Variants in SLC14A2 observed in about 807,000 individuals in gnomAD.
SLC14A2 encodes the protein solute carrier family 14 member 2.
Under a neutral mutation model 104.6 loss-of-function variants are expected in SLC14A2, and 91 were observed. The ratio of observed to expected loss-of-function variants is 0.87; its 90% confidence interval spans 0.73 to 1.04. SLC14A2 has a LOEUF of 1.04. Among genes scored for constraint, SLC14A2 ranks in the 50% least tolerant of loss-of-function variants. The pLI, the probability that SLC14A2 is intolerant of heterozygous loss-of-function variation, is 0.00. For synonymous variants in SLC14A2, 476 were observed against 466.4 expected, an observed-to-expected ratio of 1.02 and a Z score of -0.27; for missense variants, 1,189 against 1,156.0, an observed-to-expected ratio of 1.03 and a Z score of -0.41.
At chr18:45,549,891 G>C (rs549550492) in intron 2 of SLC14A2, 1 of 152,094 alleles carries the variant, frequency 6.6e-6, no homozygotes, top group East Asian at 1.9e-4. Flanking sequence ...GCCTAAAGGA[G>C]TTTTAAAAAT....
rs565553106 is a variant in SLC14A2, at chr18:45,563,761, C to T, written c.-34-60870C>T. Reference sequence around the variant, plus strand: ...TATAGAGGGAATACAAAGATAATTCCGTCTATCTTCTAACAAGCTGATCAA... The same window carrying T: ...TATAGAGGGAATACAAAGATAATTCTGTCTATCTTCTAACAAGCTGATCAA... On this transcript the variant is annotated intron_variant, in intron 2 of 20. Transcript: ENST00000586448. Among the ~76,000 whole-genome samples, 11 of 152,212 alleles carry T rather than the reference C, an allele frequency of 7.2e-5. No homozygotes were observed. In the South Asian group the frequency reaches 1.2e-3, roughly 17 times the overall value.
chr18:45,458,824 A>G (rs1212628513), intron 1 of SLC14A2, among the ~76,000 whole-genome samples: 1 of 152,222 alleles, frequency 6.6e-6, no homozygotes, highest in Non-Finnish European at 1.5e-5. Flanking sequence ...TCACATGTCA[A>G]CAGACACCCG....
chr18:45,320,981 A>G (rs2085179509), intron 1 of SLC14A2, among the ~76,000 whole-genome samples: 1 of 152,188 alleles, frequency 6.6e-6, no homozygotes, highest in Non-Finnish European at 1.5e-5. Flanking sequence ...CATGGGGAAA[A>G]TTCTGGGCAA....
At chr18:45,677,800 C>T (rs2046251155) in intron 18 of SLC14A2, among the ~76,000 whole-genome samples, 1 of 152,144 alleles carries the variant, frequency 6.6e-6, no homozygotes, top group African/African-American at 2.4e-5. Flanking sequence ...TTAACTCATT[C>T]TCTTTTGTTT....
At chr18:45,206,170 T>A in the SLC14A2 span, among the ~76,000 whole-genome samples, 1 of 152,208 alleles carries the variant, frequency 6.6e-6, no homozygotes, top group African/African-American at 2.4e-5. Context: ...GACCAGATGG[T>A]GATGAAATCA....
chr18:45,442,053 G>A (rs2086690112), intron 1 of SLC14A2, among the ~76,000 whole-genome samples: 1 of 152,146 alleles, frequency 6.6e-6, no homozygotes, highest in Non-Finnish European at 1.5e-5. Context: ...TTGTTGTGGA[G>A]GAAAAACTAG....
chr18:45,195,572 A>G, the SLC14A2 span, among the ~76,000 whole-genome samples: 1 of 152,032 alleles, frequency 6.6e-6, no homozygotes, highest in Non-Finnish European at 1.5e-5. Flanking sequence ...TTGTATTTTT[A>G]GTAGAGATGG....
intron 2 of SLC14A2, among the ~76,000 whole-genome samples, chr18:45,500,002 T>C (rs1419502617): frequency 6.6e-6 from 1 of 152,206 alleles, no homozygotes; most frequent in Non-Finnish European, 1.5e-5. Flanking sequence ...GATAGAGCAT[T>C]CCTACAAAAT....
intron 1 of SLC14A2, among the ~76,000 whole-genome samples, chr18:45,292,603 A>G (rs189996705): frequency 6.6e-6 from 1 of 152,210 alleles, no homozygotes; most frequent in Admixed American, 6.5e-5. Flanking sequence ...TCTCCATTAC[A>G]CCATTCACTT....
chr18:45,454,224 AAC>A (rs768692843), intron 1 of SLC14A2, among the ~76,000 whole-genome samples: 4 of 152,140 alleles, frequency 2.6e-5, no homozygotes, highest in Admixed American at 6.5e-5. Flanking sequence ...TCCACAATGA[AAC>A]ATTCTAATCC....
rs536155559 is a variant in SLC14A2 at position 45,532,733 on chromosome 18, T to C, written c.-35+49411T>C. Among the ~76,000 whole-genome samples the C allele has an allele frequency of 3.1e-4, 47 of 152,272 alleles. 2 individuals are homozygous for C. In the Middle Eastern group the frequency reaches 0.01, roughly 33 times the overall value. Reference sequence around the variant, plus strand: ...GCCCTGGCCAGAACTTCCAACACTATGTTGAATAGGAGTGGTGAGAGAGAG... The same window carrying C: ...GCCCTGGCCAGAACTTCCAACACTACGTTGAATAGGAGTGGTGAGAGAGAG... On this transcript the variant is annotated intron_variant, in intron 2 of 20. Coordinates refer to the SLC14A2 transcript ENST00000586448.
intron 2 of SLC14A2, among the ~76,000 whole-genome samples, chr18:45,604,493 T>G (rs1843223): frequency 6.6e-6 from 1 of 152,062 alleles, no homozygotes; most frequent in African/African-American, 2.4e-5. Context: ...GAGAAACAAC[T>G]CTGCTTTATA....
chr18:45,399,701 C>A (rs2086074692), intron 1 of SLC14A2, among the ~76,000 whole-genome samples: 1 of 151,960 alleles, frequency 6.6e-6, no homozygotes, highest in Non-Finnish European at 1.5e-5. Flanking sequence ...TCTACTTTTT[C>A]AGATCTTTCT....
chr18:45,313,821 C>T (rs974131182), intron 1 of SLC14A2, among the ~76,000 whole-genome samples: 5 of 152,184 alleles, frequency 3.3e-5, no homozygotes, highest in Non-Finnish European at 7.3e-5. Context: ...AGATTTTTGT[C>T]TCTGTGTAAT....
At position 45,671,454 on chromosome 18, in the gene SLC14A2, T is replaced by C. The variant is rs565989041; in HGVS notation, c.2230-1446T>C. On this transcript the variant is annotated intron_variant, in intron 16 of 19. Coordinates refer to ENST00000255226, the MANE Select transcript of SLC14A2 (RefSeq NM_007163.4). The stretch of plus-strand genomic sequence containing the variant: ...AAATAAGTGGTGAATTTCAGAGGGA[T>C]TGTCTAAACTTCCCAGCAATGTTGA... Among the ~76,000 whole-genome samples the C allele has an allele frequency of 1.1e-4, 17 of 152,236 alleles. No individual in the cohort carries two copies. The East Asian group carries it at 2.9e-3, about 26-fold the overall frequency.
intron 2 of SLC14A2, among the ~76,000 whole-genome samples, chr18:45,525,308 A>G (rs2043579211): frequency 6.6e-6 from 1 of 152,192 alleles, no homozygotes; most frequent in Non-Finnish European, 1.5e-5. Context: ...ACAAGACTTC[A>G]TGGGCCCATC....
At chr18:45,268,470 C>T (rs1452896811) in intron 1 of SLC14A2, among the ~76,000 whole-genome samples, 1 of 152,182 alleles carries the variant, frequency 6.6e-6, no homozygotes, top group East Asian at 1.9e-4. Context: ...ACCTTGAGTG[C>T]TTTGTTTCAT....
chr18:45,473,196 G>T (rs1241840052), intron 1 of SLC14A2, among the ~76,000 whole-genome samples: 1 of 152,128 alleles, frequency 6.6e-6, no homozygotes, highest in Non-Finnish European at 1.5e-5. Flanking sequence ...TAGATGTGTG[G>T]CATTACTCCT....
the SLC14A2 span, among the ~76,000 whole-genome samples, chr18:45,193,022 AT>A: frequency 1.3e-5 from 2 of 152,184 alleles, no homozygotes; most frequent in Admixed American, 6.5e-5. Context: ...TCATATACTT[AT>A]TTTAAACCTT....
Sources: gnomAD v4.1 joint callset for allele counts (sites outside exome capture counted in the v4.1 genomes callset) on GRCh38, gnomAD v4.1.1 for gene constraint, MANE v1.5 for transcripts, NCBI Gene and HGNC (gene_info 2026-07-23, HGNC 2026-07-21) for gene names.